DIP2C: variants seen among roughly 807,000 people sequenced by gnomAD.
DIP2C encodes disco-interacting protein 2 homolog C.
A neutral mutation model predicts 192.4 loss-of-function variants in DIP2C; 33 were observed. The observed-to-expected ratio is 0.17, with a 90% CI of 0.13 to 0.23. The LOEUF is 0.23. Ranked by LOEUF, DIP2C falls within the 10% of genes least tolerant of loss-of-function variation. DIP2C has a pLI of 1.00. For missense variants in DIP2C, 1,537 were observed against 2,110.1 expected (o/e 0.73, Z 5.32); for synonymous variants, 979 against 864.1 (o/e 1.13, Z -2.33).
chr10:364,726 T>C (rs1959971780), intron 19 of DIP2C, 144 bp from the exon 20 acceptor site: 1 of 869,542 alleles, frequency 1.2e-6, no homozygotes, highest in Non-Finnish European at 1.8e-6. Context: ...GAGGTCACAG[T>C]GACCGCTGGT....
At chr10:607,840 C>G (rs1367176365) in intron 1 of DIP2C, among the ~76,000 whole-genome samples, 1 of 152,046 alleles carries the variant, frequency 6.6e-6, no homozygotes, top group Non-Finnish European at 1.5e-5. Flanking sequence ...GTTTAACAAT[C>G]TACAGGTTCA....
chr10:299,829 C>T (rs1336713299), intron 32 of DIP2C, among the ~76,000 whole-genome samples: 5 of 152,020 alleles, frequency 3.3e-5, no homozygotes, highest in African/African-American at 4.8e-5. Flanking sequence ...AACAAAGAAA[C>T]CACTCCAGCT....
chr10:347,447 A>AACCCG, intron 26 of DIP2C, among the ~76,000 whole-genome samples: 1 of 65,424 alleles, frequency 1.5e-5, no homozygotes, highest in African/African-American at 6.8e-5. Flanking sequence ...ACACGCACCC[A>AACCCG]GACACATCGC....
intron 1 of DIP2C, among the ~76,000 whole-genome samples, chr10:554,860 G>A (rs1848758662): frequency 6.9e-6 from 1 of 144,908 alleles, no homozygotes; most frequent in South Asian, 2.1e-4. Context: ...AAGCACCAGT[G>A]ATGCAGGTGT....
intron 1 of DIP2C, among the ~76,000 whole-genome samples, chr10:671,195 C>T (rs1310179264): frequency 6.6e-6 from 1 of 152,270 alleles, no homozygotes; most frequent in Non-Finnish European, 1.5e-5. Flanking sequence ...ACGCCTGACA[C>T]AGGCTCAGCA....
chr10:520,136 C>T (rs544709992), intron 1 of DIP2C, among the ~76,000 whole-genome samples: 1 of 152,312 alleles, frequency 6.6e-6, no homozygotes, highest in South Asian at 2.1e-4. Flanking sequence ...TTTAGAAGGT[C>T]GTGTGAAGTC....
At chr10:411,833 A>T (rs1008572661) in intron 8 of DIP2C, among the ~76,000 whole-genome samples, 2 of 152,242 alleles carry the variant, frequency 1.3e-5, no homozygotes, top group Non-Finnish European at 2.9e-5. Context: ...TTCTACGCAG[A>T]TGGCGCTTTC....
At chr10:493,208 A>G (rs1335205614) in intron 1 of DIP2C, among the ~76,000 whole-genome samples, 1 of 152,210 alleles carries the variant, frequency 6.6e-6, no homozygotes, top group Non-Finnish European at 1.5e-5. Context: ...AACCGCTGTC[A>G]TAACTTGCTA....
chr10:395,623 T>C (rs1382443543), intron 10 of DIP2C, among the ~76,000 whole-genome samples: 1 of 152,088 alleles, frequency 6.6e-6, no homozygotes, highest in Non-Finnish European at 1.5e-5. Context: ...CTCCACAGCT[T>C]TCTGCAAAGC....
intron 26 of DIP2C, among the ~76,000 whole-genome samples, chr10:347,506 G>T (rs1271467037): frequency 8.4e-6 from 1 of 118,756 alleles, no homozygotes; most frequent in Admixed American, 8.2e-5. Context: ...ATTGCGCATA[G>T]TTCTCCCGGA....
chr10:377,892 A>T (rs111999736), intron 17 of DIP2C, among the ~76,000 whole-genome samples: 2 of 152,212 alleles, frequency 1.3e-5, no homozygotes, highest in Non-Finnish European at 2.9e-5. Flanking sequence ...TTACTAAAAT[A>T]TCAGGGTATC....
intron 5 of DIP2C, among the ~76,000 whole-genome samples, chr10:422,613 A>C (rs903359517): frequency 6.6e-6 from 1 of 152,222 alleles, no homozygotes; most frequent in Non-Finnish European, 1.5e-5. Flanking sequence ...CCCCAGGAAC[A>C]AGGCCCCTGG....
intron 31 of DIP2C, among the ~76,000 whole-genome samples, chr10:316,783 TC>T (rs1956793335): frequency 6.6e-6 from 1 of 152,256 alleles, no homozygotes; most frequent in Non-Finnish European, 1.5e-5. Context: ...GGGATTCTCA[TC>T]TACCTTGCAA....
At chr10:474,132 T>G (rs541407460) in intron 2 of DIP2C, among the ~76,000 whole-genome samples, 3 of 152,354 alleles carry the variant, frequency 2.0e-5, no homozygotes, top group Middle Eastern at 3.4e-3. Context: ...AGATGCATTT[T>G]AGGAAATCAA....
At chr10:280,208 G>A (rs546389084) in intron 36 of DIP2C, among the ~76,000 whole-genome samples, 1 of 152,312 alleles carries the variant, frequency 6.6e-6, no homozygotes, top group Admixed American at 6.5e-5. Context: ...AGGCCTTAGT[G>A]TTCAAATTCA....
chr10:383,079 T>G (rs1201432169), intron 16 of DIP2C, among the ~76,000 whole-genome samples: 4 of 152,190 alleles, frequency 2.6e-5, no homozygotes, highest in African/African-American at 9.6e-5. Context: ...CTAAACCAAA[T>G]GAAGAAAACT....
At chr10:591,278 C>G (rs1289251409) in intron 1 of DIP2C, among the ~76,000 whole-genome samples, 2 of 152,120 alleles carry the variant, frequency 1.3e-5, no homozygotes, top group Admixed American at 6.5e-5. Context: ...GTGCCCGCCA[C>G]CACGCCTGGC....
intron 5 of DIP2C, among the ~76,000 whole-genome samples, chr10:419,638 T>C (rs1021318753): frequency 7.9e-5 from 12 of 152,174 alleles, no homozygotes; most frequent in Non-Finnish European, 2.9e-5. Flanking sequence ...CGTGCCTCAG[T>C]TTCTTCGTCA....
chr10:642,589 T>C (rs1422589275), intron 1 of DIP2C, among the ~76,000 whole-genome samples: 2 of 152,262 alleles, frequency 1.3e-5, no homozygotes, highest in African/African-American at 2.4e-5. Context: ...TTAGACCTTC[T>C]GCTCACTGAT....
Sources: gnomAD v4.1 joint callset for allele counts (sites outside exome capture counted in the v4.1 genomes callset) on GRCh38, gnomAD v4.1.1 for gene constraint, MANE v1.5 for transcripts, NCBI Gene and HGNC (gene_info 2026-07-23, HGNC 2026-07-21) for gene names.